RBFOX1: variants seen among roughly 807,000 people sequenced by gnomAD.
RBFOX1 encodes RNA binding fox-1 homolog 1.
RBFOX1 carries 8 observed loss-of-function variants against 57.7 expected under a neutral mutation model. The ratio of observed to expected loss-of-function variants is 0.14; its 90% CI spans 0.08 to 0.25. The LOEUF is 0.25. Ranked by LOEUF, RBFOX1 falls within the 10% of genes least tolerant of loss-of-function variation. The probability of loss-of-function intolerance (pLI) is 1.00; values close to 1 mark genes in which losing one functional copy is unlikely to be tolerated. For missense variants in RBFOX1, 611 were observed against 548.5 expected (o/e 1.11, Z -1.14); for synonymous variants, 326 against 222.4 (o/e 1.47, Z -4.15).
chr16:5,360,279 A>T (rs1449563237), intron 1 of RBFOX1, among the ~76,000 whole-genome samples: 1 of 152,202 alleles, frequency 6.6e-6, no homozygotes, highest in Non-Finnish European at 1.5e-5. Flanking sequence ...TAATTAGAGG[A>T]TAGGCATCCT....
intron 3 of RBFOX1, among the ~76,000 whole-genome samples, chr16:5,673,330 A>T (rs1238427249): frequency 2.0e-5 from 3 of 152,128 alleles, no homozygotes; most frequent in Non-Finnish European, 4.4e-5. Context: ...GCAGGTTCCA[A>T]GGTCGACAGG....
At chr16:5,692,824 G>T (rs139523760) in intron 3 of RBFOX1, among the ~76,000 whole-genome samples, 1 of 152,244 alleles carries the variant, frequency 6.6e-6, no homozygotes, top group Non-Finnish European at 1.5e-5. Flanking sequence ...TCATCTGCAA[G>T]CCGAGTAAGA....
chr16:5,865,700 G>T lies in RBFOX1; in HGVS notation c.319-1603G>T, dbSNP rs192273803. On this transcript the variant is annotated intron_variant, in intron 3 of 19. Transcript: ENST00000641259. ...GATTCACATTTGTGAGCTGGTATTG[G>T]TCTGTGTCTTAGCCTGGGCTGCCAT... Among the ~76,000 whole-genome samples the T allele has an allele frequency of 9.2e-5, 14 of 152,286 alleles. No individual in the cohort carries two copies. The East Asian group carries it at 2.1e-3, about 23-fold the overall frequency.
intron 2 of RBFOX1, among the ~76,000 whole-genome samples, chr16:6,649,092 A>T (rs190382300): frequency 3.9e-5 from 6 of 152,112 alleles, no homozygotes; most frequent in African/African-American, 1.4e-4. Context: ...TTAGGCCCAG[A>T]TCTCCCCAGC....
intron 3 of RBFOX1, among the ~76,000 whole-genome samples, chr16:6,974,413 C>G (rs542026371): frequency 8.0e-6 from 1 of 125,128 alleles, no homozygotes; most frequent in East Asian, 2.7e-4. Context: ...GGTACAATCT[C>G]AGTTCACTGC....
chr16:5,263,925 A>G (rs2062797213), intron 1 of RBFOX1, among the ~76,000 whole-genome samples: 2 of 152,226 alleles, frequency 1.3e-5, no homozygotes. Context: ...TGGAACTACC[A>G]TATCCATGTT....
intron 13 of RBFOX1, among the ~76,000 whole-genome samples, chr16:7,668,727 A>AT (rs1441650145): frequency 6.6e-6 from 1 of 152,216 alleles, no homozygotes; most frequent in East Asian, 1.9e-4. Context: ...ATAATGAAAC[A>AT]TATCAAATCT....
intron 1 of RBFOX1, among the ~76,000 whole-genome samples, chr16:6,193,426 A>AGT (rs1567651821): frequency 4.1e-5 from 4 of 97,306 alleles, no homozygotes; most frequent in Admixed American, 2.7e-4. Flanking sequence ...ATATATATAT[A>AGT]AAATTCAGTG....
At chr16:7,476,651 T>C (rs2062779795) in intron 4 of RBFOX1, among the ~76,000 whole-genome samples, 1 of 152,138 alleles carries the variant, frequency 6.6e-6, no homozygotes. Flanking sequence ...AATTTCACCT[T>C]TGGGGCACAT....
chr16:5,950,984 C>T (rs1009445998), intron 4 of RBFOX1, among the ~76,000 whole-genome samples: 7 of 152,102 alleles, frequency 4.6e-5, no homozygotes, highest in Non-Finnish European at 8.8e-5. Context: ...CAGGACTTCT[C>T]ACCTCAAGTG....
intron 3 of RBFOX1, among the ~76,000 whole-genome samples, chr16:6,864,342 G>C (rs1042867837): frequency 2.2e-4 from 33 of 151,960 alleles, no homozygotes; most frequent in African/African-American, 7.7e-4. Flanking sequence ...ACAAACATTT[G>C]AAAAACAATA....
chr16:7,486,885 T>C (rs570841802), intron 4 of RBFOX1, among the ~76,000 whole-genome samples: 1 of 152,274 alleles, frequency 6.6e-6, no homozygotes, highest in African/African-American at 2.4e-5. Context: ...TCAAACACAA[T>C]TCTCACTTCA....
chr16:7,504,788 TATATATATATATA>T, intron 4 of RBFOX1, among the ~76,000 whole-genome samples: 3 of 16,878 alleles, frequency 1.8e-4, no homozygotes, highest in Admixed American at 6.7e-4. Context: ...TATATATATT[TATATATATATATA>T]TTTATATATA....
chr16:5,950,225 G>A (rs2059492461), intron 4 of RBFOX1, among the ~76,000 whole-genome samples: 1 of 152,208 alleles, frequency 6.6e-6, no homozygotes, highest in Non-Finnish European at 1.5e-5. Flanking sequence ...AAGGCAGACA[G>A]CAGAACATTC....
At chr16:6,723,038 G>C (rs1437911977) in intron 3 of RBFOX1, among the ~76,000 whole-genome samples, 1 of 152,182 alleles carries the variant, frequency 6.6e-6, no homozygotes, top group Non-Finnish European at 1.5e-5. Flanking sequence ...GAAAGGATCT[G>C]AGAGCTACCC....
At chr16:7,637,771 G>A (rs1199518466) in intron 11 of RBFOX1, among the ~76,000 whole-genome samples, 1 of 152,152 alleles carries the variant, frequency 6.6e-6, no homozygotes. Context: ...TGGAGGGGGT[G>A]CTTAACAATA....
chr16:6,066,534 G>C (rs2095765597), intron 1 of RBFOX1, among the ~76,000 whole-genome samples: 1 of 152,052 alleles, frequency 6.6e-6, no homozygotes, highest in Non-Finnish European at 1.5e-5. Flanking sequence ...TTCAACAGTA[G>C]TCCACGGTTG....
intron 2 of RBFOX1, among the ~76,000 whole-genome samples, chr16:5,495,826 C>G (rs990181122): frequency 2.6e-5 from 4 of 152,220 alleles, no homozygotes; most frequent in Admixed American, 2.6e-4. Context: ...CATCCCTTGG[C>G]TAAAGAAACC....
intron 3 of RBFOX1, among the ~76,000 whole-genome samples, chr16:6,707,644 C>A (rs2062998650): frequency 6.6e-6 from 1 of 151,998 alleles, no homozygotes; most frequent in African/African-American, 2.4e-5. Context: ...ACTGCCGTCT[C>A]CAGAAAGGAA....
Sources: gnomAD v4.1 joint callset for allele counts (sites outside exome capture counted in the v4.1 genomes callset) on GRCh38, gnomAD v4.1.1 for gene constraint, MANE v1.5 for transcripts, NCBI Gene and HGNC (gene_info 2026-07-23, HGNC 2026-07-21) for gene names.